The following NLK variants were observed in gnomAD, a reference collection of about 807,000 sequenced individuals.
NLK encodes serine/threonine-protein kinase NLK.
A neutral mutation model predicts 59.0 loss-of-function variants in NLK; 11 were observed. The ratio of observed to expected loss-of-function variants is 0.19; its 90% CI spans 0.12 to 0.31. The LOEUF is 0.31. Ranked by LOEUF, NLK falls within the 10% of genes least tolerant of loss-of-function variation. The pLI, the probability that NLK is intolerant of heterozygous loss-of-function variation, is 1.00. For missense variants in NLK, 410 were observed against 661.1 expected (o/e 0.62, Z 4.16); for synonymous variants, 235 against 235.9 (o/e 1.00, Z 0.03).
the NLK span, among the ~76,000 whole-genome samples, chr17:28,204,484 A>C: frequency 1.3e-5 from 2 of 152,176 alleles, no homozygotes; most frequent in Admixed American, 1.3e-4. Flanking sequence ...ATGTGTGTGT[A>C]TGTGTGTATA....
chr17:28,199,676 A>C (rs1012594397), downstream of NLK, among the ~76,000 whole-genome samples: 6 of 46,176 alleles, frequency 1.3e-4, no homozygotes, highest in African/African-American at 5.0e-4. Flanking sequence ...AAAAAAAAAA[A>C]AAAAAAAACA....
In NLK at chr17:28,148,361, TATG is replaced by T. The variant is rs555331469; in HGVS notation, c.645-12797_645-12795del. On this transcript the variant is annotated intron_variant, in intron 3 of 10. Transcript: ENST00000407008. ...TTTTAGTTCTCATGCACTTAAAAAA[TATG>T]AGGGGATATGAATCTATTTAAGCAT... Among the ~76,000 whole-genome samples the T allele has an allele frequency of 3.4e-3, 517 of 151,652 alleles. 3 individuals carry two copies. The highest frequency in any genetic ancestry group is 0.012 in the African/African-American group (489 of 41,300).
At chr17:28,124,583 T>C (rs1279019701) in intron 2 of NLK, among the ~76,000 whole-genome samples, 1 of 152,114 alleles carries the variant, frequency 6.6e-6, no homozygotes, top group Non-Finnish European at 1.5e-5. Flanking sequence ...TTACTACCAG[T>C]TCCTCAGATT....
chr17:28,202,694 T>C, the NLK span, among the ~76,000 whole-genome samples: 2 of 150,398 alleles, frequency 1.3e-5, no homozygotes, highest in African/African-American at 2.4e-5. Flanking sequence ...TTTCTTTTTT[T>C]TTTTTTTTGA....
intron 1 of NLK, among the ~76,000 whole-genome samples, chr17:28,120,256 G>GTGTGTA (rs1905977407): frequency 6.6e-6 from 1 of 150,716 alleles, no homozygotes; most frequent in African/African-American, 2.5e-5. Flanking sequence ...GTGTGTGTGT[G>GTGTGTA]TGTGTGTGTG....
At chr17:28,078,973 A>G (rs959048055) in intron 1 of NLK, among the ~76,000 whole-genome samples, 4 of 152,202 alleles carry the variant, frequency 2.6e-5, no homozygotes, top group African/African-American at 9.7e-5. Flanking sequence ...TTGTTGTGCA[A>G]CAGATCTCTA....
intron 1 of NLK, among the ~76,000 whole-genome samples, chr17:28,069,401 T>C (rs1177466119): frequency 6.6e-6 from 1 of 152,204 alleles, no homozygotes; most frequent in African/African-American, 2.4e-5. Context: ...AGGATAAATA[T>C]CTAGGGATGG....
intron 1 of NLK, among the ~76,000 whole-genome samples, chr17:28,058,267 AT>A (rs1384978469): frequency 6.6e-6 from 1 of 152,224 alleles, no homozygotes; most frequent in African/African-American, 2.4e-5. Flanking sequence ...CAGGAAAGAC[AT>A]TAAATAGGGA....
chr17:28,050,690 G>T (rs1296422300), intron 1 of NLK, among the ~76,000 whole-genome samples: 3 of 152,100 alleles, frequency 2.0e-5, no homozygotes, highest in Admixed American at 2.0e-4. Flanking sequence ...TCAGTTGTAG[G>T]TGGAAGAAGC....
Position 28,101,008 on chromosome 17 carries a change from CTAT to C in NLK, c.459-21590_459-21588del, listed in dbSNP as rs1904883677. ...AGTCATTTTTCTCCATGTGGATATC[CTAT>C]TATTCCATCACCATTGGTTTAAAAA... is the stretch of plus-strand genomic sequence containing the variant. On this transcript the variant is annotated intron_variant, in intron 1 of 10. Coordinates refer to ENST00000407008, the MANE Select transcript of NLK (RefSeq NM_016231.5). Among the ~76,000 whole-genome samples the C allele has an allele frequency of 2.0e-5, 3 of 152,144 alleles. No homozygotes were observed. In the South Asian group the frequency reaches 6.2e-4, roughly 32 times the overall value.
At chr17:28,102,449 G>C (rs1904935592) in intron 1 of NLK, among the ~76,000 whole-genome samples, 2 of 152,170 alleles carry the variant, frequency 1.3e-5, no homozygotes, top group South Asian at 4.2e-4. Context: ...AGGAGATCGA[G>C]ACTATCCTGG....
At chr17:28,181,102 T>A (rs1412339623) in intron 7 of NLK, among the ~76,000 whole-genome samples, 3 of 151,546 alleles carry the variant, frequency 2.0e-5, no homozygotes, top group Non-Finnish European at 2.9e-5. Context: ...AAAAAATTTT[T>A]AAAAAAGTTA....
intron 8 of NLK, among the ~76,000 whole-genome samples, chr17:28,188,279 T>A (rs1364948326): frequency 6.6e-6 from 1 of 152,234 alleles, no homozygotes; most frequent in Non-Finnish European, 1.5e-5. Context: ...ATCACTGTGT[T>A]ATAAACAAAG....
intron 7 of NLK, among the ~76,000 whole-genome samples, chr17:28,177,784 C>A (rs536261948): frequency 1.3e-5 from 2 of 152,316 alleles, no homozygotes; most frequent in South Asian, 4.1e-4. Flanking sequence ...ATGTTTTCCT[C>A]ATATCAAGAG....
intron 1 of NLK, chr17:28,061,974 C>T (rs1309728976): frequency 6.9e-6 from 1 of 145,138 alleles, no homozygotes; most frequent in Non-Finnish European, 1.5e-5. Flanking sequence ...ATCATGTCAG[C>T]TTTAGTTCAA....
At chr17:28,141,179 AAATGGACCACTATTTTATTTCATCTCTTT>A (rs1197903609) in intron 3 of NLK, among the ~76,000 whole-genome samples, 7 of 152,198 alleles carry the variant, frequency 4.6e-5, no homozygotes, top group Admixed American at 2.0e-4. Context: ...AGATCCTTTT[AAATGGACCACTATTTTATTTCATCTCTTT>A]TCAACTCCCG....
chr17:28,135,896 G>A (rs1906725651), intron 3 of NLK, among the ~76,000 whole-genome samples: 1 of 152,050 alleles, frequency 6.6e-6, no homozygotes, highest in African/African-American at 2.4e-5. Flanking sequence ...ATTATTATTG[G>A]CCATAATTTA....
intron 1 of NLK, among the ~76,000 whole-genome samples, chr17:28,088,749 T>C (rs551769623): frequency 4.5e-4 from 69 of 152,312 alleles, no homozygotes; most frequent in Non-Finnish European, 1.6e-4. Flanking sequence ...GGCTCATCTG[T>C]ACATTTTCTA....
intron 1 of NLK, among the ~76,000 whole-genome samples, chr17:28,057,457 A>G (rs1909480760): frequency 6.6e-6 from 1 of 152,226 alleles, no homozygotes; most frequent in African/African-American, 2.4e-5. Context: ...CATTCTCTTA[A>G]TAATTAAAAC....
Sources: allele counts gnomAD v4.1 joint callset (sites outside exome capture counted in the v4.1 genomes callset), GRCh38; gene constraint gnomAD v4.1.1; transcripts MANE v1.5; gene names NCBI Gene and HGNC (gene_info 2026-07-23, HGNC 2026-07-21).